The following ATP2B3 variants were observed in gnomAD, a reference collection of about 807,000 sequenced individuals.
ATP2B3 encodes the protein plasma membrane calcium-transporting ATPase 3.
A neutral mutation model predicts 70.8 loss-of-function variants in ATP2B3; 12 were observed. The ratio of observed to expected loss-of-function variants is 0.17; its 90% CI spans 0.11 to 0.27. The LOEUF is 0.27. Among genes scored for constraint, ATP2B3 ranks in the 10% least tolerant of loss-of-function variants. The pLI is 1.00. For synonymous variants in ATP2B3, 460 were observed against 497.8 expected (o/e 0.92, Z 1.01); for missense variants, 858 against 1,118.5 (o/e 0.77, Z 3.32).
intron 8 of ATP2B3, 37 bp from the exon 9 acceptor site, chrX:153,547,798 G>A: frequency 8.8e-7 from 1 of 1,141,797 alleles, no homozygotes; most frequent in Non-Finnish European, 1.2e-6. Context: ...TCCCCAGCCA[G>A]GCACTGACCT....
intron 2 of ATP2B3, among the ~76,000 whole-genome samples, chrX:153,533,510 A>C (rs2090147232): frequency 9.0e-6 from 1 of 110,637 alleles, no homozygotes; most frequent in Non-Finnish European, 1.9e-5. Context: ...TGGGAGACTG[A>C]AACAGGGGCT....
At chrX:153,557,484 G>A (rs782763034) in intron 16 of ATP2B3, among the ~76,000 whole-genome samples, 11 of 112,223 alleles carry the variant, frequency 9.8e-5, no homozygotes, top group African/African-American at 2.6e-4. Context: ...GCCACTGAAC[G>A]CAGCAACCTG....
At chrX:153,570,679 C>T (rs1173282824) in intron 21 of ATP2B3, among the ~76,000 whole-genome samples, 1 of 111,296 alleles carries the variant, frequency 9.0e-6, no homozygotes, top group Non-Finnish European at 1.9e-5. Flanking sequence ...TAAACTTTCG[C>T]GCGTGGGCCC....
intron 3 of ATP2B3, among the ~76,000 whole-genome samples, chrX:153,538,786 C>G (rs2090233799): frequency 8.8e-6 from 1 of 113,175 alleles, no homozygotes; most frequent in African/African-American, 3.2e-5. Flanking sequence ...TCCTCCTCCC[C>G]GTCAATGGGT....
At position 153,517,692 on chromosome X, in the gene ATP2B3, G is replaced by C. The variant is rs1285351702; in HGVS notation, c.-430G>C. On this transcript the variant is annotated 5_prime_UTR_variant, in exon 1 of 22. Transcript: ENST00000263519. ...CCGCGTCGCCCGCCGCCGGTGCAGA[G>C]CGTGGGGAGCACTCGGCCGCAGCCC... 9.2e-6 allele frequency: 1 copy of C among 109,137 alleles called. No homozygotes were observed. The highest frequency in any genetic ancestry group is 1.9e-5 in the Non-Finnish European group (1 of 51,909). The allele number at this position is 109,137 out of a possible 1,213,427, so 9.0% of individuals were successfully genotyped here.
At chrX:153,577,976 C>T (rs1425616564) in intron 21 of ATP2B3, among the ~76,000 whole-genome samples, 1 of 111,075 alleles carries the variant, frequency 9.0e-6, no homozygotes, top group Non-Finnish European at 1.9e-5. Context: ...CAGCTGATTC[C>T]GAAGCACTGT....
chrX:153,574,526 G>A (rs2090831081), intron 21 of ATP2B3, among the ~76,000 whole-genome samples: 1 of 111,991 alleles, frequency 8.9e-6, no homozygotes, highest in Non-Finnish European at 1.9e-5. Flanking sequence ...GCCCAGCACA[G>A]AGGCAGCAGG....
chrX:153,569,455 G>T, intron 21 of ATP2B3: 1 of 676,754 alleles, frequency 1.5e-6, no homozygotes, highest in Non-Finnish European at 2.3e-6. Flanking sequence ...TCCAAACATC[G>T]CCAGCTCCCA....
chrX:153,542,555 G>C, intron 6 of ATP2B3, 107 bp downstream of exon 6: 1 of 1,033,106 alleles, frequency 9.7e-7, no homozygotes, highest in Non-Finnish European at 1.3e-6. Flanking sequence ...CCTCCACCAG[G>C]GCCTTCCAGC....
Position 153,518,202 on chromosome X carries a change from C to A in ATP2B3, c.-246-230C>A, listed in dbSNP as rs1210289659. 4.7e-4 allele frequency among the ~76,000 whole-genome samples: 53 copies of A among 112,534 alleles called. 1 individual carries two copies. The highest frequency in any genetic ancestry group is 1.6e-3 in the African/African-American group (49 of 31,163). On this transcript the variant is annotated intron_variant, in intron 1 of 21. Transcript: ENST00000263519. ...GGCCGGGGCTCAGGGTGGGCGCAGC[C>A]GGGGGCGCGGGATCTGGGCCGGGAG...
chrX:153,572,952 T>G (rs2090811146), intron 21 of ATP2B3, among the ~76,000 whole-genome samples: 1 of 112,358 alleles, frequency 8.9e-6, no homozygotes, highest in Admixed American at 9.4e-5. Context: ...AGAGGCCTTT[T>G]ATGTCTGTTT....
At chrX:153,517,952 T>C (rs2089901097) in intron 1 of ATP2B3, 77 bp downstream of exon 1, 1 of 108,088 alleles carries the variant, frequency 9.3e-6, no homozygotes, top group Non-Finnish European at 1.9e-5. Context: ...CGGGTGGGGA[T>C]GGGAGGATGA....
At chrX:153,527,911 T>C (rs1185963253) in intron 2 of ATP2B3, among the ~76,000 whole-genome samples, 1 of 112,465 alleles carries the variant, frequency 8.9e-6, no homozygotes, top group Non-Finnish European at 1.9e-5. Context: ...GGAGATCTCC[T>C]GGGCTTGAAG....
rs782740980 is a variant in ATP2B3, at chrX:153,580,471, A to G, written c.*173A>G. Reference sequence around the variant, plus strand: ...ATTTGCAAGGACCCAAATCCATTCAACAAGGGTGCAGCCTGCCACAGGCTC... The same window carrying G: ...ATTTGCAAGGACCCAAATCCATTCAGCAAGGGTGCAGCCTGCCACAGGCTC... On this transcript the variant is annotated 3_prime_UTR_variant, in exon 22 of 22. Transcript: ENST00000263519. 1,498 of 458,199 alleles carry G rather than the reference A, an allele frequency of 3.3e-3. 7 individuals carry two copies. Among genetic ancestry groups the G allele is most frequent in the Non-Finnish European group, 3.3e-3 (915 of 276,154 alleles). 37.8% of individuals were successfully genotyped at this position (458,199 alleles called of 1,213,427 possible).
chrX:153,536,573 C>T (rs1244365109), intron 3 of ATP2B3, 118 bp downstream of exon 3: 5 of 809,225 alleles, frequency 6.2e-6, no homozygotes, highest in Non-Finnish European at 8.9e-6. Context: ...TGCCCCTCCT[C>T]TCAGCCATTT....
intron 15 of ATP2B3, 147 bp downstream of exon 15, chrX:153,556,565 AG>A: frequency 1.6e-6 from 1 of 624,342 alleles, no homozygotes. Context: ...GCAGCAGGGC[AG>A]GGGCCCATGA....
At chrX:153,550,708 T>C (rs2090444240) in intron 12 of ATP2B3, among the ~76,000 whole-genome samples, 1 of 111,827 alleles carries the variant, frequency 8.9e-6, no homozygotes, top group African/African-American at 3.3e-5. Context: ...GCCATCCTCC[T>C]ACGTCAGTGT....
At chrX:153,533,360 G>A (rs1247081917) in intron 2 of ATP2B3, 3 of 112,240 alleles carry the variant, frequency 2.7e-5, no homozygotes, top group Non-Finnish European at 5.6e-5. Context: ...TTGTGACTAA[G>A]AGGATTCATC....
chrX:153,535,756 C>A (rs2090181851), intron 2 of ATP2B3, among the ~76,000 whole-genome samples: 1 of 113,044 alleles, frequency 8.8e-6, no homozygotes, highest in Admixed American at 9.3e-5. Flanking sequence ...ACTGATCAGT[C>A]CCAGCACGCT....
Sources: allele counts gnomAD v4.1 joint callset (sites outside exome capture counted in the v4.1 genomes callset), GRCh38; gene constraint gnomAD v4.1.1; transcripts MANE v1.5; gene names NCBI Gene and HGNC (gene_info 2026-07-23, HGNC 2026-07-21).